Variants in OSBPL10 observed in about 807,000 individuals in gnomAD.
OSBPL10 encodes the protein oxysterol-binding protein-related protein 10.
OSBPL10 carries 49 observed loss-of-function variants against 81.7 expected under a neutral mutation model. That is an observed-to-expected ratio of 0.60 (90% CI 0.48 to 0.76). The LOEUF is 0.76. OSBPL10 is among the 30% of genes least tolerant of loss of function. The pLI is 0.00. For synonymous variants in OSBPL10, 419 were observed against 383.6 expected (o/e 1.09, Z -1.08); for missense variants, 923 against 987.8 (o/e 0.93, Z 0.88).
chr3:31,829,105 G>A (rs959006764), intron 4 of OSBPL10, among the ~76,000 whole-genome samples: 3 of 152,112 alleles, frequency 2.0e-5, no homozygotes, highest in Admixed American at 6.5e-5. Flanking sequence ...AAAGCCAGAC[G>A]CATGCTAACT....
intron 1 of OSBPL10, among the ~76,000 whole-genome samples, chr3:31,955,214 T>G (rs1697974578): frequency 6.6e-6 from 1 of 152,202 alleles, no homozygotes; most frequent in African/African-American, 2.4e-5. Context: ...ACAGTAATAA[T>G]TTGTTGAACC....
chr3:31,680,065 G>T (rs1700598510), intron 8 of OSBPL10, among the ~76,000 whole-genome samples: 1 of 152,124 alleles, frequency 6.6e-6, no homozygotes, highest in African/African-American at 2.4e-5. Context: ...GTGCTGCACG[G>T]TGGTAGCTCC....
At chr3:32,016,825 A>G (rs972781041) in intron 2 of OSBPL10, among the ~76,000 whole-genome samples, 15 of 152,210 alleles carry the variant, frequency 9.9e-5, no homozygotes, top group Admixed American at 8.5e-4. Context: ...ACATCGCATT[A>G]GCAGAGTGAT....
chr3:31,853,236 A>T (rs906944866), intron 3 of OSBPL10, among the ~76,000 whole-genome samples: 1 of 152,176 alleles, frequency 6.6e-6, no homozygotes, highest in African/African-American at 2.4e-5. Flanking sequence ...AAGAGGATTC[A>T]GAGGGAAGAA....
At chr3:31,789,846 C>A (rs530198802) in intron 4 of OSBPL10, among the ~76,000 whole-genome samples, 4 of 152,312 alleles carry the variant, frequency 2.6e-5, no homozygotes, top group African/African-American at 9.6e-5. Flanking sequence ...GAGGATACTT[C>A]TTCCTTGTAA....
chr3:31,782,988 G>C (rs1235489149), intron 4 of OSBPL10, among the ~76,000 whole-genome samples: 1 of 151,880 alleles, frequency 6.6e-6, no homozygotes, highest in Non-Finnish European at 1.5e-5. Flanking sequence ...ACTTGCACAT[G>C]TATGTTTATA....
At chr3:31,849,072 A>C (rs1418217104) in intron 3 of OSBPL10, among the ~76,000 whole-genome samples, 1 of 152,202 alleles carries the variant, frequency 6.6e-6, no homozygotes, top group African/African-American at 2.4e-5. Context: ...CCTAGGCTTC[A>C]AGATGCCTTT....
intron 6 of OSBPL10, among the ~76,000 whole-genome samples, chr3:31,723,753 T>C (rs1696728659): frequency 6.6e-6 from 1 of 152,188 alleles, no homozygotes; most frequent in Non-Finnish European, 1.5e-5. Flanking sequence ...CCAAAGTAAA[T>C]GTGAGAAATA....
rs566782564 is a variant in OSBPL10, at chr3:31,789,913, A to G, written c.729+40127T>C. Among the ~76,000 whole-genome samples, 3 of 152,194 alleles carry G rather than the reference A, an allele frequency of 2.0e-5. No individual in the cohort carries two copies. In the South Asian group the frequency reaches 6.2e-4, roughly 32 times the overall value. On this transcript the variant is annotated intron_variant, in intron 4 of 11. Coordinates refer to ENST00000396556, the MANE Select transcript of OSBPL10 (RefSeq NM_017784.5). ...CTTTTACTAAACCTGCCACATTTAT[A>G]TACTACTTTGATGTCCACTACAATC...
intron 6 of OSBPL10, chr3:31,733,041 G>A (rs775031875): frequency 2.8e-5 from 17 of 600,494 alleles, no homozygotes; most frequent in African/African-American, 3.8e-5. Flanking sequence ...TTCCTCATTC[G>A]TAGGATCACA....
At chr3:31,669,259 C>A (rs112395552) in intron 9 of OSBPL10, among the ~76,000 whole-genome samples, 12 of 152,002 alleles carry the variant, frequency 7.9e-5, no homozygotes, top group African/African-American at 2.9e-4. Flanking sequence ...TAAGCAAATA[C>A]CACCTGTACC....
intron 4 of OSBPL10, among the ~76,000 whole-genome samples, chr3:31,783,375 G>A (rs1352793952): frequency 6.6e-6 from 1 of 151,802 alleles, no homozygotes; most frequent in African/African-American, 2.4e-5. Context: ...GGGACAGTGA[G>A]GAAATAAAAG....
At chr3:31,672,334 A>G (rs1278945055) in intron 8 of OSBPL10, among the ~76,000 whole-genome samples, 3 of 125,638 alleles carry the variant, frequency 2.4e-5, no homozygotes, top group South Asian at 5.7e-4. Context: ...AAGCATCTAA[A>G]TCACTTAGAG....
chr3:32,028,442 TCTTTA>T (rs1351826530), intron 2 of OSBPL10, among the ~76,000 whole-genome samples: 2 of 152,244 alleles, frequency 1.3e-5, no homozygotes, highest in Admixed American at 6.5e-5. Context: ...TCATCTTGGC[TCTTTA>T]CTTCAACCTT....
At chr3:31,738,631 G>T (rs1034432428) in intron 5 of OSBPL10, among the ~76,000 whole-genome samples, 2 of 152,080 alleles carry the variant, frequency 1.3e-5, no homozygotes, top group African/African-American at 4.8e-5. Flanking sequence ...TAATCCTAAT[G>T]GTGACCCACG....
At chr3:31,998,146 G>T (rs540532874) in intron 2 of OSBPL10, among the ~76,000 whole-genome samples, 192 of 152,272 alleles carry the variant, frequency 1.3e-3, no homozygotes, top group African/African-American at 4.3e-3. Flanking sequence ...TGGTGCTGTT[G>T]TCAGGCTCTA....
intron 1 of OSBPL10, among the ~76,000 whole-genome samples, chr3:31,943,711 T>C (rs1199481259): frequency 6.6e-6 from 1 of 152,184 alleles, no homozygotes; most frequent in African/African-American, 2.4e-5. Flanking sequence ...CTCATGCCTG[T>C]AATCCCAGCA....
intron 1 of OSBPL10, among the ~76,000 whole-genome samples, chr3:31,965,483 ATCTATTT>A (rs1222754878): frequency 6.8e-5 from 7 of 103,268 alleles, no homozygotes; most frequent in East Asian, 2.4e-4. Context: ...ATTATATATT[ATCTATTT>A]TATATAATAT....
intron 3 of OSBPL10, among the ~76,000 whole-genome samples, chr3:31,869,829 A>C (rs1272610008): frequency 6.6e-6 from 1 of 152,270 alleles, no homozygotes; most frequent in Non-Finnish European, 1.5e-5. Flanking sequence ...ACCTCTGTGA[A>C]GAGTAACACA....
Sources: allele counts gnomAD v4.1 joint callset (sites outside exome capture counted in the v4.1 genomes callset), GRCh38; gene constraint gnomAD v4.1.1; transcripts MANE v1.5; gene names NCBI Gene and HGNC (gene_info 2026-07-23, HGNC 2026-07-21).